The following ITSN2 variants were observed in gnomAD, a reference collection of about 807,000 sequenced individuals.
ITSN2 encodes the protein intersectin-2.
Under a neutral mutation model 243.7 loss-of-function variants are expected in ITSN2, and 156 were observed. The ratio of observed to expected loss-of-function variants is 0.64; its 90% CI spans 0.56 to 0.73. The LOEUF (loss-of-function observed/expected upper bound fraction) is 0.73. Ranked by LOEUF, ITSN2 falls within the 30% of genes least tolerant of loss-of-function variation. The pLI is 0.00. For missense variants in ITSN2, 1,801 were observed against 1,996.1 expected (o/e 0.90, Z 1.86); for synonymous variants, 703 against 699.9 (o/e 1.00, Z -0.07).
rs35259448 is a variant in ITSN2 at position 24,264,430 on chromosome 2, A to ATTAT, written c.2356-2689_2356-2688insATAA. ...GAAAGAAAGAAACACTATTTATTAGATTGTCATAGCTAAGAAACTGAAAAA... is the reference window on the plus strand; with the variant it reads ...GAAAGAAAGAAACACTATTTATTAGATTATTTGTCATAGCTAAGAAACTGAAAAA... On this transcript the variant is annotated intron_variant, in intron 20 of 39. Transcript: ENST00000355123. 1.4e-4 allele frequency among the ~76,000 whole-genome samples: 22 copies of ATTAT among 151,756 alleles called. No individual in the cohort carries two copies. In the East Asian group the frequency reaches 2.9e-3, roughly 20 times the overall value.
intron 29 of ITSN2, among the ~76,000 whole-genome samples, chr2:24,230,919 C>T (rs1369765848): frequency 6.6e-6 from 1 of 152,200 alleles, no homozygotes; most frequent in Non-Finnish European, 1.5e-5. Context: ...TCCTCCTTCT[C>T]TCCTGCTCTT....
At chr2:24,355,973 C>T (rs1320905483) in intron 1 of ITSN2, among the ~76,000 whole-genome samples, 4 of 151,680 alleles carry the variant, frequency 2.6e-5, no homozygotes, top group Non-Finnish European at 4.4e-5. Flanking sequence ...GAGGCCGAGG[C>T]GGGTGGATCA....
chr2:24,294,674 G>A (rs903141126), intron 14 of ITSN2, among the ~76,000 whole-genome samples: 3 of 152,118 alleles, frequency 2.0e-5, no homozygotes, highest in Admixed American at 6.5e-5. Context: ...ACATATTCAA[G>A]TTCTCATCAT....
At chr2:24,220,670 G>A in intron 30 of ITSN2, 8 of 1,267,342 alleles carry the variant, frequency 6.3e-6, no homozygotes, top group East Asian at 3.3e-5. Context: ...CACATCCAAC[G>A]AAGCCATGCG....
rs200469463 is a variant in ITSN2, at chr2:24,208,211, G to A, written c.4678+26C>T. The A allele has an allele frequency of 4.8e-4, 762 of 1,599,222 alleles. 2 individuals are homozygous for A. Among genetic ancestry groups the A allele is most frequent in the South Asian group, 1.3e-3 (122 of 90,848 alleles). ...CATTCCTAGGGCCCCTGGGGGCTGC[G>A]TCCCACCCTCCGGGCACCCTGATAC... On this transcript the variant is annotated intron_variant, in intron 37 of 39. Transcript: ENST00000355123.
At chr2:24,278,588 A>G (rs1262895088) in intron 17 of ITSN2, among the ~76,000 whole-genome samples, 6 of 151,916 alleles carry the variant, frequency 3.9e-5, no homozygotes, top group Admixed American at 3.9e-4. Flanking sequence ...TGCTACACAT[A>G]ATAGTTAAGC....
intron 29 of ITSN2, among the ~76,000 whole-genome samples, chr2:24,222,252 CAAAAAAAAAAA>C (rs549424233): frequency 1.5e-5 from 1 of 64,974 alleles, no homozygotes; most frequent in Non-Finnish European, 2.8e-5. Context: ...ACTTCATCTC[CAAAAAAAAAAA>C]AAAAAAAAAA....
chr2:24,232,072 G>A (rs1158105695), intron 29 of ITSN2, among the ~76,000 whole-genome samples: 1 of 152,144 alleles, frequency 6.6e-6, no homozygotes, highest in African/African-American at 2.4e-5. Context: ...TTGAGTACCG[G>A]GTAGCATGCT....
intron 14 of ITSN2, among the ~76,000 whole-genome samples, chr2:24,295,271 T>TTAGA (rs1175594185): frequency 2.6e-5 from 4 of 152,320 alleles, no homozygotes; most frequent in African/African-American, 9.6e-5. Flanking sequence ...CTCAAGGTTA[T>TTAGA]TGACCCCCAA....
Position 24,257,892 on chromosome 2 carries a change from C to G in ITSN2, c.2884G>C (p.Glu962Gln), listed in dbSNP as rs1675269708. 1 of 1,611,744 alleles carries G rather than the reference C, an allele frequency of 6.2e-7. No individual in the cohort carries two copies. Among genetic ancestry groups the G allele is most frequent in the South Asian group, 1.1e-5 (1 of 91,004 alleles). Reference sequence around the variant, plus strand: ...AAAACACATAAAGATGCTTACTCTTCCCGTTTTACTTCACTCCCAGGAATG... The same window carrying G: ...AAAACACATAAAGATGCTTACTCTTGCCGTTTTACTTCACTCCCAGGAATG... ...KIIPGSEVKR[E>Q]EPEALYAAVN... Residue 962 changes from glutamate to glutamine, a missense_variant, in exon 23 of 40, where the codon GAA becomes CAA. Coordinates refer to ENST00000355123, the MANE Select transcript of ITSN2 (RefSeq NM_006277.3).
At chr2:24,320,601 G>A (rs1345811415) in intron 2 of ITSN2, among the ~76,000 whole-genome samples, 1 of 147,554 alleles carries the variant, frequency 6.8e-6, no homozygotes, top group Non-Finnish European at 1.5e-5. Context: ...TGTAATCCCA[G>A]CTACTTGGGA....
chr2:24,210,930 C>T lies in ITSN2; in HGVS notation c.4107G>A (p.Pro1369=), dbSNP rs111712240. The T allele has an allele frequency of 1.2e-3, 1,894 of 1,614,172 alleles. 11 individuals are homozygous for T. In the African/African-American group the frequency reaches 0.012, roughly 11 times the overall value. Residue 1369 remains proline, a synonymous_variant, in exon 34 of 40, where the codon CCG becomes CCA. Coordinates refer to ENST00000355123, the MANE Select transcript of ITSN2 (RefSeq NM_006277.3). ...GGGAGGAATGGTCTGCATGGCTCTC[C>T]GGGGTGTTCTCCAGAATCTGGAAAA... is the stretch of plus-strand genomic sequence containing the variant. The part of the protein sequence containing the change: ...LLIRSILENT[P]ESHADHSSLK...
intron 18 of ITSN2, among the ~76,000 whole-genome samples, chr2:24,274,639 T>C (rs916358659): frequency 6.6e-6 from 1 of 152,118 alleles, no homozygotes; most frequent in Non-Finnish European, 1.5e-5. Context: ...TGTCTGAATC[T>C]CCTATTAGAA....
At chr2:24,327,215 G>A (rs1685242328) in intron 2 of ITSN2, among the ~76,000 whole-genome samples, 1 of 151,912 alleles carries the variant, frequency 6.6e-6, no homozygotes, top group Admixed American at 6.6e-5. Flanking sequence ...ATTAGTATTT[G>A]GGAAAAGAAT....
rs1264432793 is a variant in ITSN2 at position 24,203,468 on chromosome 2, G to C, written c.*158C>G. On this transcript the variant is annotated 3_prime_UTR_variant, in exon 40 of 40. Coordinates refer to ENST00000355123, the MANE Select transcript of ITSN2 (RefSeq NM_006277.3). ...TATGGGAAAGGTGTTTGCATAGATT[G>C]CTAGCTATTTAGTGTGCAGGAAAAC... 1.5e-6 allele frequency: 1 copy of C among 667,544 alleles called. No homozygotes were observed. The highest frequency in any genetic ancestry group is 2.5e-6 in the Non-Finnish European group (1 of 403,372). The allele number at this position is 667,544 out of a possible 1,614,324, so 41.4% of individuals were successfully genotyped here. A position where few individuals can be genotyped will look rare whatever the true frequency, so the allele number is the denominator to read the frequency against.
At position 24,221,008 on chromosome 2, in the gene ITSN2, G is replaced by A; in HGVS notation, c.3636C>T (p.Gly1212=). ...TMQPIERKRQ[G]YIHELIQTEE... ...CGGTCTGAATCAGCTCATGAATATAGCCCTGTCTTTTCCTCTCAATTGGCT... is the reference window on the plus strand; with the variant it reads ...CGGTCTGAATCAGCTCATGAATATAACCCTGTCTTTTCCTCTCAATTGGCT... The change falls in exon 30 of 40, where the codon GGC becomes GGT. Residue 1212 remains glycine, a synonymous_variant. Coordinates refer to ENST00000355123, the MANE Select transcript of ITSN2 (RefSeq NM_006277.3). 1 of 1,609,980 alleles carries A rather than the reference G, an allele frequency of 6.2e-7. No homozygotes were observed. The highest frequency in any genetic ancestry group is 8.5e-7 in the Non-Finnish European group (1 of 1,178,506).
At chr2:24,250,972 T>A in intron 25 of ITSN2, among the ~76,000 whole-genome samples, 1 of 151,802 alleles carries the variant, frequency 6.6e-6, no homozygotes, top group Non-Finnish European at 1.5e-5. Flanking sequence ...GGTGGATCAC[T>A]GGAGGTCAGG....
rs62139984 is a variant in ITSN2 at position 24,206,374 on chromosome 2, A to G, written c.4679-1077T>C. ...AGGCTGCATGGGGGGGCCCGGCGGG[A>G]AGGAAGGTGGAGATGCAGGGGGCCG... On this transcript the variant is annotated intron_variant, in intron 37 of 39. Coordinates refer to ENST00000355123, the MANE Select transcript of ITSN2 (RefSeq NM_006277.3). The G allele has an allele frequency of 4.0e-3, 1,027 of 254,422 alleles. 10 individuals carry two copies. The highest frequency in any genetic ancestry group is 0.016 in the South Asian group (468 of 29,172). 15.8% of individuals were successfully genotyped at this position (254,422 alleles called of 1,614,324 possible). A position where few individuals can be genotyped will look rare whatever the true frequency, so the allele number is the denominator to read the frequency against.
intron 12 of ITSN2, among the ~76,000 whole-genome samples, chr2:24,299,395 C>T (rs929401662): frequency 1.6e-4 from 24 of 152,174 alleles, no homozygotes; most frequent in African/African-American, 5.8e-4. Context: ...GCAATAACTT[C>T]CTGTGCTCCA....
Sources: allele counts gnomAD v4.1 joint callset (sites outside exome capture counted in the v4.1 genomes callset), GRCh38; gene constraint gnomAD v4.1.1; transcripts MANE v1.5; gene names NCBI Gene and HGNC (gene_info 2026-07-23, HGNC 2026-07-21).